FOCAD: variants seen among roughly 807,000 people sequenced by gnomAD.
FOCAD encodes the protein focadhesin, also known as KIAA1797.
In FOCAD, 198 loss-of-function variants were observed where a neutral mutation model predicts 225.6. The ratio of observed to expected loss-of-function variants is 0.88; its 90% CI spans 0.78 to 0.99. The LOEUF (loss-of-function observed/expected upper bound fraction) is 0.99, where lower values mean the gene tolerates loss of function less well. Among genes scored for constraint, FOCAD ranks in the 50% least tolerant of loss-of-function variants. The probability of loss-of-function intolerance (pLI) is 0.00; values close to 1 mark genes in which losing one functional copy is unlikely to be tolerated. For synonymous variants in FOCAD, 897 were observed against 755.0 expected (o/e 1.19, Z -3.08); for missense variants, 2,713 against 2,123.6 (o/e 1.28, Z -5.46).
At chr9:20,692,863 T>C (rs910649435) in intron 1 of FOCAD, among the ~76,000 whole-genome samples, 4 of 152,156 alleles carry the variant, frequency 2.6e-5, no homozygotes, top group Non-Finnish European at 5.9e-5. Flanking sequence ...TACTTTTTTT[T>C]CTGAGGGGGT....
intron 17 of FOCAD, 134 bp downstream of exon 17, chr9:20,866,110 G>A (rs1016715791): frequency 6.3e-5 from 46 of 727,790 alleles, no homozygotes; most frequent in Non-Finnish European, 9.2e-5. Flanking sequence ...AAAAAAGTGT[G>A]ATTATTCATA....
At chr9:20,767,833 G>C (rs1830189029) in intron 7 of FOCAD, among the ~76,000 whole-genome samples, 1 of 150,936 alleles carries the variant, frequency 6.6e-6, no homozygotes, top group African/African-American at 2.4e-5. Context: ...AGTTTAATTA[G>C]ATCCCATTTG....
chr9:20,868,489 T>G (rs961893890), intron 18 of FOCAD, among the ~76,000 whole-genome samples: 4 of 152,248 alleles, frequency 2.6e-5, no homozygotes, highest in Admixed American at 2.6e-4. Context: ...AATTTATAAG[T>G]GCTATACTCA....
chr9:20,734,074 C>G (rs192762270), intron 4 of FOCAD, among the ~76,000 whole-genome samples: 2 of 152,222 alleles, frequency 1.3e-5, no homozygotes, highest in Admixed American at 1.3e-4. Flanking sequence ...TATTTTTTAA[C>G]TAATACAAAA....
chr9:20,662,649 G>A (rs1392841711), intron 2 of FOCAD, among the ~76,000 whole-genome samples: 1 of 151,718 alleles, frequency 6.6e-6, no homozygotes, highest in Non-Finnish European at 1.5e-5. Flanking sequence ...TTTAGAGGTG[G>A]GGGTCTCATT....
At chr9:20,757,109 A>T (rs574627499) in intron 5 of FOCAD, among the ~76,000 whole-genome samples, 1 of 152,106 alleles carries the variant, frequency 6.6e-6, no homozygotes, top group African/African-American at 2.4e-5. Context: ...TTGTATTTTT[A>T]GTAGAGACAG....
intron 19 of FOCAD, among the ~76,000 whole-genome samples, chr9:20,881,240 C>T (rs945505592): frequency 6.6e-6 from 1 of 152,140 alleles, no homozygotes; most frequent in Non-Finnish European, 1.5e-5. Context: ...GTGGCACTGA[C>T]TTAAATATCA....
At chr9:20,961,174 C>T (rs1293519670) in intron 35 of FOCAD, among the ~76,000 whole-genome samples, 1 of 151,738 alleles carries the variant, frequency 6.6e-6, no homozygotes, top group Non-Finnish European at 1.5e-5. Context: ...CCCTCCGCTC[C>T]CCTCCTCTCC....
At chr9:20,670,916 A>C (rs1822045637) in intron 2 of FOCAD, among the ~76,000 whole-genome samples, 1 of 152,186 alleles carries the variant, frequency 6.6e-6, no homozygotes, top group African/African-American at 2.4e-5. Context: ...TGTACCTCTA[A>C]CAACTCTATT....
intron 1 of FOCAD, among the ~76,000 whole-genome samples, chr9:20,692,586 T>C (rs1315225093): frequency 6.6e-6 from 1 of 152,210 alleles, no homozygotes; most frequent in African/African-American, 2.4e-5. Flanking sequence ...GCTCTTTTGC[T>C]GGTCTTGCCC....
At chr9:20,848,386 A>G (rs1827327778) in intron 15 of FOCAD, among the ~76,000 whole-genome samples, 1 of 152,000 alleles carries the variant, frequency 6.6e-6, no homozygotes, top group African/African-American at 2.4e-5. Context: ...TACAGTCAAT[A>G]ACGTAGGTCA....
At chr9:20,658,402 T>A (rs1821589597) in exon 1 of FOCAD, 1 of 168,036 alleles carries the variant, frequency 6.0e-6, no homozygotes, top group South Asian at 1.7e-4. Context: ...CAGGTTGATC[T>A]CAGACTGCTG....
intron 15 of FOCAD, among the ~76,000 whole-genome samples, chr9:20,829,923 A>G (rs1825316956): frequency 6.6e-6 from 1 of 152,076 alleles, no homozygotes; most frequent in Admixed American, 6.6e-5. Context: ...TAATAAAGTC[A>G]TTATATTTAT....
At position 20,986,265 on chromosome 9, in the gene FOCAD, AATTT is replaced by A; in HGVS notation, c.4729-22_4729-19del. 2.2e-6 allele frequency: 1 copy of A among 457,012 alleles called. No individual in the cohort carries two copies. The highest frequency in any genetic ancestry group is 2.9e-6 in the Non-Finnish European group (1 of 348,016). The allele number at this position is 457,012 out of a possible 1,614,324, so 28.3% of individuals were successfully genotyped here. A position where few individuals can be genotyped will look rare whatever the true frequency, so the allele number is the denominator to read the frequency against. The stretch of plus-strand genomic sequence containing the variant: ...TCAGTTAATTTAATAGTAACTAAAC[AATTT>A]TTTTTTTTTTTTTTGCAGAGCAACA... On this transcript the variant is annotated intron_variant, in intron 39 of 43. Transcript: ENST00000338382.
rs551072840 is a variant in FOCAD at position 20,703,305 on chromosome 9, A to G, written c.-32-12017A>G. Among the ~76,000 whole-genome samples the G allele has an allele frequency of 3.3e-5, 5 of 152,240 alleles. No individual in the cohort carries two copies. In the South Asian group the frequency reaches 1.0e-3, roughly 32 times the overall value. On this transcript the variant is annotated intron_variant, in intron 1 of 43. Transcript: ENST00000338382. ...TGAGGGGCCTGAGAGTTCTAGACCCAGATGTCGAAGGAGCTGAGGGTGTGG... is the reference window on the plus strand; with the variant it reads ...TGAGGGGCCTGAGAGTTCTAGACCCGGATGTCGAAGGAGCTGAGGGTGTGG...
chr9:20,817,787 T>C (rs1823886762), intron 11 of FOCAD, among the ~76,000 whole-genome samples: 2 of 152,198 alleles, frequency 1.3e-5, no homozygotes, highest in African/African-American at 4.8e-5. Flanking sequence ...TATTCATCAG[T>C]TGATGGACAT....
intron 21 of FOCAD, among the ~76,000 whole-genome samples, chr9:20,901,889 A>AT (rs1384553628): frequency 6.6e-6 from 1 of 151,942 alleles, no homozygotes; most frequent in Non-Finnish European, 1.5e-5. Context: ...TGGCTAGAAC[A>AT]TTTTAGACTT....
intron 1 of FOCAD, among the ~76,000 whole-genome samples, chr9:20,689,706 G>T (rs1340415785): frequency 2.6e-5 from 4 of 152,202 alleles, no homozygotes; most frequent in Admixed American, 6.5e-5. Context: ...AGGTTAGAAA[G>T]AGCTTAGATT....
intron 32 of FOCAD, 147 bp downstream of exon 32, chr9:20,949,075 A>C (rs1336031328): frequency 3.0e-6 from 2 of 665,212 alleles, no homozygotes; most frequent in Admixed American, 5.6e-5. Context: ...GCCTTGCTGT[A>C]TGAATAATTG....
Sources: allele counts gnomAD v4.1 joint callset (sites outside exome capture counted in the v4.1 genomes callset), GRCh38; gene constraint gnomAD v4.1.1; transcripts MANE v1.5; gene names NCBI Gene and HGNC (gene_info 2026-07-23, HGNC 2026-07-21).